The following ACTR3C variants were observed in gnomAD, a reference collection of about 807,000 sequenced individuals.
The protein encoded by ACTR3C is actin related protein 3C.
ACTR3C carries 18 observed loss-of-function variants against 26.3 expected under a neutral mutation model. The observed-to-expected ratio is 0.68, with a 90% CI of 0.47 to 1.01. The LOEUF is 1.01. ACTR3C is among the 50% of genes least tolerant of loss of function. The pLI, the probability that ACTR3C is intolerant of heterozygous loss-of-function variation, is 0.00. For missense variants in ACTR3C, 184 were observed against 250.7 expected (o/e 0.73, Z 1.80); for synonymous variants, 55 against 94.5 (o/e 0.58, Z 2.42).
the ACTR3C span, among the ~76,000 whole-genome samples, chr7:150,006,875 ACTTCTC>A: frequency 6.6e-6 from 1 of 152,216 alleles, no homozygotes; most frequent in Non-Finnish European, 1.5e-5. Context: ...TTCAAAACAT[ACTTCTC>A]AATAGGCATA....
chr7:150,293,038 C>A (rs1374130664), intron 3 of ACTR3C, among the ~76,000 whole-genome samples: 2 of 152,056 alleles, frequency 1.3e-5, no homozygotes, highest in Non-Finnish European at 2.9e-5. Context: ...CCTGGACATT[C>A]TCTGACATTC....
the ACTR3C span, among the ~76,000 whole-genome samples, chr7:150,221,267 A>G: frequency 3.4e-4 from 51 of 149,724 alleles, no homozygotes; most frequent in African/African-American, 1.2e-3. Context: ...GCTTCCCAAG[A>G]GTTTTTTTTT....
At chr7:150,175,398 G>C in the ACTR3C span, among the ~76,000 whole-genome samples, 3 of 143,710 alleles carry the variant, frequency 2.1e-5, no homozygotes, top group African/African-American at 3.0e-5. Context: ...AAATAGCCTT[G>C]TCTCCCTCTC....
At chr7:150,038,450 T>G in the ACTR3C span, among the ~76,000 whole-genome samples, 11 of 143,230 alleles carry the variant, frequency 7.7e-5, no homozygotes, top group East Asian at 7.8e-4. Flanking sequence ...GGATCCCCAT[T>G]TCAAAAGTTC....
At chr7:150,073,458 C>T in the ACTR3C span, among the ~76,000 whole-genome samples, 9 of 148,924 alleles carry the variant, frequency 6.0e-5, no homozygotes, top group African/African-American at 1.7e-4. Context: ...AGTGAGCTAG[C>T]CGTGTGGGAT....
the ACTR3C span, among the ~76,000 whole-genome samples, chr7:149,914,724 C>T: frequency 1.3e-5 from 2 of 149,242 alleles, no homozygotes; most frequent in Non-Finnish European, 3.0e-5. Flanking sequence ...TAAAATGAAA[C>T]ACTAGAAGAA....
intron 1 of ACTR3C, among the ~76,000 whole-genome samples, chr7:150,306,029 T>C (rs1203013382): frequency 6.6e-6 from 1 of 152,184 alleles, no homozygotes; most frequent in Non-Finnish European, 1.5e-5. Context: ...TCTCATCACT[T>C]CCTCAACCAC....
chr7:150,164,466 G>A, the ACTR3C span, among the ~76,000 whole-genome samples: 2 of 151,942 alleles, frequency 1.3e-5, no homozygotes, highest in African/African-American at 2.4e-5. Context: ...AAAATAGGGG[G>A]CTTCTTTTTC....
At position 150,306,364 on chromosome 7, in the gene ACTR3C, G is replaced by T. The variant is rs141257484; in HGVS notation, c.-51-11017C>A. ...AAAGCAAGAACTCCTGGCGCGGGAAGCTGAAGTAGACAGAAGGAAGCAGCT... is the reference window on the plus strand; with the variant it reads ...AAAGCAAGAACTCCTGGCGCGGGAATCTGAAGTAGACAGAAGGAAGCAGCT... On this transcript the variant is annotated intron_variant, in intron 1 of 7. Coordinates refer to ENST00000683684, the MANE Select transcript of ACTR3C (RefSeq NM_001164458.2). 7.0e-3 allele frequency among the ~76,000 whole-genome samples: 1,061 copies of T among 152,166 alleles called. 16 individuals are homozygous for T. The highest frequency in any genetic ancestry group is 0.023 in the African/African-American group (972 of 41,452).
At chr7:149,992,676 G>A in the ACTR3C span, among the ~76,000 whole-genome samples, 1 of 152,210 alleles carries the variant, frequency 6.6e-6, no homozygotes, top group African/African-American at 2.4e-5. Flanking sequence ...AAGTGAACGT[G>A]GCAAAGAAGG....
the ACTR3C span, among the ~76,000 whole-genome samples, chr7:150,079,857 C>T: frequency 1.3e-5 from 2 of 152,170 alleles, no homozygotes. Context: ...CTTTCTAGAT[C>T]CCCAAATCCT....
At chr7:150,121,353 C>T in the ACTR3C span, among the ~76,000 whole-genome samples, 1 of 152,112 alleles carries the variant, frequency 6.6e-6, no homozygotes, top group Admixed American at 6.5e-5. Context: ...CCCAAAAACT[C>T]CTTAAGCTGA....
At chr7:150,007,217 T>C in the ACTR3C span, among the ~76,000 whole-genome samples, 3 of 152,152 alleles carry the variant, frequency 2.0e-5, no homozygotes, top group Non-Finnish European at 4.4e-5. Context: ...CCAAGTTCCA[T>C]GGCCCCATGC....
the ACTR3C span, among the ~76,000 whole-genome samples, chr7:150,216,984 C>CA: frequency 0.31 from 32,351 of 105,018 alleles, 4,423 homozygotes; most frequent in East Asian, 0.38. Flanking sequence ...GACTCGGTCT[C>CA]AAAAAAAAAA....
At chr7:150,263,814 T>C (rs1180740215) in intron 6 of ACTR3C, among the ~76,000 whole-genome samples, 1 of 152,256 alleles carries the variant, frequency 6.6e-6, no homozygotes, top group Non-Finnish European at 1.5e-5. Flanking sequence ...TTTAAATGCA[T>C]TCATTTCAGA....
At chr7:150,064,649 T>TACACACACACACACACAC in the ACTR3C span, among the ~76,000 whole-genome samples, 14 of 145,138 alleles carry the variant, frequency 9.6e-5, no homozygotes, top group African/African-American at 3.3e-4. Context: ...TATTTTCACA[T>TACACACACACACACACAC]ACACACACAC....
At chr7:150,116,232 T>G in the ACTR3C span, among the ~76,000 whole-genome samples, 2 of 152,218 alleles carry the variant, frequency 1.3e-5, no homozygotes, top group Non-Finnish European at 2.9e-5. Flanking sequence ...GGAGTCTGTA[T>G]TTGCATAGGA....
the ACTR3C span, among the ~76,000 whole-genome samples, chr7:149,929,750 C>T: frequency 0.012 from 1,774 of 152,076 alleles, 36 homozygotes; most frequent in African/African-American, 0.041. Flanking sequence ...AGGTTGGTCT[C>T]GAACTCCTGC....
the ACTR3C span, among the ~76,000 whole-genome samples, chr7:150,042,149 C>T: frequency 5.1e-4 from 11 of 21,408 alleles, no homozygotes; most frequent in African/African-American, 3.6e-3. Flanking sequence ...GTGGGGGAAC[C>T]AGGGGCTGGC....
Sources: allele counts gnomAD v4.1 joint callset (sites outside exome capture counted in the v4.1 genomes callset), GRCh38; gene constraint gnomAD v4.1.1; transcripts MANE v1.5; gene names NCBI Gene and HGNC (gene_info 2026-07-23, HGNC 2026-07-21).